Variants in KCNA10 observed in about 807,000 individuals in gnomAD.
KCNA10 encodes the protein potassium voltage-gated channel subfamily A member 10, also known as cyclic GMP gated potassium channel.
In KCNA10, 16 loss-of-function variants were observed where a neutral mutation model predicts 21.4. The observed-to-expected ratio is 0.75, with a 90% CI of 0.51 to 1.14. The LOEUF is 1.14. KCNA10 is among the 50% of genes most tolerant of loss of function. The pLI is 0.00. For synonymous variants in KCNA10, 276 were observed against 245.9 expected, an observed-to-expected ratio of 1.12 and a Z score of -1.15; for missense variants, 677 against 649.1, an observed-to-expected ratio of 1.04 and a Z score of -0.47.
chr1:110,518,163 G>C lies in KCNA10; in HGVS notation c.625C>G (p.Pro209Ala), dbSNP rs1298246953. 3.7e-6 allele frequency: 6 copies of C among 1,613,270 alleles called. No homozygotes were observed. In the African/African-American group the frequency reaches 4.0e-5, roughly 11 times the overall value. The change falls in exon 1 of 1, where the codon CCT (proline) becomes GCT (alanine). Residue 209 changes from proline to alanine, a missense_variant. Physicochemically the swap from Pro to Ala is conservative, Grantham distance 27. Coordinates refer to ENST00000369771, the MANE Select transcript of KCNA10 (RefSeq NM_005549.2). ...HRQFWLLFEY[P>A]ESSSAARAVA... is the part of the protein sequence containing the mutation. ...GCACGGGCAGCGCTGGAACTTTCAG[G>C]GTACTCAAAGAGGAGCCAGAACTGA...
At position 110,518,946 on chromosome 1, in the gene KCNA10, T is replaced by C; in HGVS notation, c.-159A>G. The C allele has an allele frequency of 3.9e-6, 2 of 519,428 alleles. No individual in the cohort carries two copies. Among genetic ancestry groups the C allele is most frequent in the South Asian group, 6.1e-5 (1 of 16,284 alleles). 32.2% of individuals were successfully genotyped at this position (519,428 alleles called of 1,614,324 possible). Reference sequence around the variant, plus strand: ...ACCAATGGGCTAATCAATGACTTATTTGTAGCTTGGGAAGGAACGTCATGG... The same window carrying C: ...ACCAATGGGCTAATCAATGACTTATCTGTAGCTTGGGAAGGAACGTCATGG... On this transcript the variant is annotated 5_prime_UTR_variant, in exon 1 of 1. Transcript: ENST00000369771.
chr1:110,518,334 G>T lies in KCNA10; in HGVS notation c.454C>A (p.Arg152=). 6.2e-7 allele frequency: 1 copy of T among 1,614,214 alleles called. No homozygotes were observed. The highest frequency in any genetic ancestry group is 8.5e-7 in the Non-Finnish European group (1 of 1,180,032). Residue 152 remains arginine, a synonymous_variant, in exon 1 of 1, where the codon CGG becomes AGG. Coordinates refer to ENST00000369771, the MANE Select transcript of KCNA10 (RefSeq NM_005549.2). ...TCAATGGGAACATTGGCTGGGCGCC[G>T]AATTTTCCCACCAGATTGGTAATAA... ...LYYYQSGGKI[R]RPANVPIDIF... is the part of the protein sequence containing the mutation.
rs1162008205 is a variant in KCNA10, at chr1:110,517,226, G to A, written c.*26C>T. The A allele has an allele frequency of 5.3e-6, 8 of 1,519,056 alleles. No homozygotes were observed. Among genetic ancestry groups the A allele is most frequent in the Non-Finnish European group, 7.3e-6 (8 of 1,100,448 alleles). The allele number at this position is 1,519,056 out of a possible 1,614,324, so 94.1% of individuals were successfully genotyped here. A position where few individuals can be genotyped will look rare whatever the true frequency, so the allele number is the denominator to read the frequency against. On this transcript the variant is annotated 3_prime_UTR_variant, in exon 1 of 1. Coordinates refer to ENST00000369771, the MANE Select transcript of KCNA10 (RefSeq NM_005549.2). ...GAGAGAGAAGAGAGAAGAGAGACAGGATGGACCCAAGAAGCCCTGGACTGA... is the reference window on the plus strand; with the variant it reads ...GAGAGAGAAGAGAGAAGAGAGACAGAATGGACCCAAGAAGCCCTGGACTGA...
rs1161594996 is a variant in KCNA10, at chr1:110,518,972, T to C, written c.-185A>G. 2.1e-6 allele frequency: 1 copy of C among 478,170 alleles called. No individual in the cohort carries two copies. The highest frequency in any genetic ancestry group is 3.7e-6 in the Non-Finnish European group (1 of 267,844). The allele number at this position is 478,170 out of a possible 1,614,324, so 29.6% of individuals were successfully genotyped here. ...TGTAGCTTGGGAAGGAACGTCATGG[T>C]TATTTTGGCAGCATGCTTCCCTTAA... On this transcript the variant is annotated 5_prime_UTR_variant, in exon 1 of 1. It removes the in-frame stop codon of an upstream open reading frame in the 5' UTR. Transcript: ENST00000369771.
Position 110,517,474 on chromosome 1 carries a change from GCCCA to G in KCNA10, c.1310_1313del (p.Val437AlafsTer50). ...GGACCCCTGCAATGGCACACAGAGTGCCCACAATCTTCCCCCCTGGGGTGGTCGG... is the reference window on the plus strand; with the variant it reads ...GGACCCCTGCAATGGCACACAGAGTGCAATCTTCCCCCCTGGGGTGGTCGG... On this transcript the variant is annotated frameshift_variant, in exon 1 of 1. Coordinates refer to ENST00000369771, the MANE Select transcript of KCNA10 (RefSeq NM_005549.2). LOFTEE classifies it high-confidence loss of function. 6.2e-7 allele frequency: 1 copy of G among 1,614,176 alleles called. No homozygotes were observed. Among genetic ancestry groups the G allele is most frequent in the Non-Finnish European group, 8.5e-7 (1 of 1,180,022 alleles).
chr1:110,517,956 A>T lies in KCNA10; in HGVS notation c.832T>A (p.Cys278Ser). The T allele has an allele frequency of 6.2e-7, 1 of 1,613,830 alleles. No homozygotes were observed. The highest frequency in any genetic ancestry group is 8.5e-7 in the Non-Finnish European group (1 of 1,179,996). The change falls in exon 1 of 1, where the codon TGC becomes AGC. Residue 278 changes from cysteine to serine, a missense_variant. Physicochemically the swap from Cys to Ser is moderately radical, Grantham distance 112. Transcript: ENST00000369771. Reference sequence around the variant, plus strand: ...AGCTCGAAGGTGAACCACACGATGCAGGTAGACTCCACCATGAAGAAAGGG... The same window carrying T: ...AGCTCGAAGGTGAACCACACGATGCTGGTAGACTCCACCATGAAGAAAGGG... ...TDPFFMVEST[C>S]IVWFTFELVL...
chr1:110,518,513 A>C lies in KCNA10; in HGVS notation c.275T>G (p.Ile92Ser). The C allele has an allele frequency of 1.2e-6, 2 of 1,614,206 alleles. No individual in the cohort carries two copies. Among genetic ancestry groups the C allele is most frequent in the Non-Finnish European group, 1.7e-6 (2 of 1,180,042 alleles). ...NEGNQRVIINIAGLRFETQLR... is the reference protein window; with the variant it reads ...NEGNQRVIINSAGLRFETQLR... Reference sequence around the variant, plus strand: ...CTGGGTCTCAAATCTCAGCCCAGCAATGTTGATGATCACCCGCTGGTTTCC... The same window carrying C: ...CTGGGTCTCAAATCTCAGCCCAGCACTGTTGATGATCACCCGCTGGTTTCC... Residue 92 changes from isoleucine to serine, a missense_variant, in exon 1 of 1, where the codon ATT becomes AGT. By Grantham distance (142) the Ile-to-Ser change is moderately radical (BLOSUM62 -2). Transcript: ENST00000369771.
rs984731090 is a variant in KCNA10, at chr1:110,518,894, T to A, written c.-107A>T. On this transcript the variant is annotated 5_prime_UTR_variant, in exon 1 of 1. Transcript: ENST00000369771. The stretch of plus-strand genomic sequence containing the variant: ...TACAAGATCCAGGGCAGAATACAAC[T>A]GGCCCTTGTTTATTGAGGTAAGGTA... 1.4e-5 allele frequency: 14 copies of A among 971,632 alleles called. No individual in the cohort carries two copies. Among genetic ancestry groups the A allele is most frequent in the Non-Finnish European group, 1.9e-5 (13 of 666,708 alleles). The allele number at this position is 971,632 out of a possible 1,614,324, so 60.2% of individuals were successfully genotyped here. A position where few individuals can be genotyped will look rare whatever the true frequency, so the allele number is the denominator to read the frequency against.
Position 110,518,282 on chromosome 1 carries a change from T to A in KCNA10, c.506A>T (p.Tyr169Phe), listed in dbSNP as rs752373457. 6.2e-7 allele frequency: 1 copy of A among 1,614,158 alleles called. No individual in the cohort carries two copies. The highest frequency in any genetic ancestry group is 2.2e-5 in the East Asian group (1 of 44,882). ...IDIFADEISF[Y>F]ELGSEAMDQF... ...GTCCATGGCCTCACTACCCAGCTCA[T>A]AGAAGGAGATTTCATCAGCAAAGAT... is the stretch of plus-strand genomic sequence containing the variant. The change falls in exon 1 of 1, where the codon TAT (tyrosine) becomes TTT (phenylalanine). Residue 169 changes from tyrosine to phenylalanine, a missense_variant. By Grantham distance (22) the Tyr-to-Phe change is conservative. Coordinates refer to ENST00000369771, the MANE Select transcript of KCNA10 (RefSeq NM_005549.2).
In KCNA10 at chr1:110,517,349, AT is replaced by A. The variant is rs754825696; in HGVS notation, c.1438del (p.Ile480LeufsTer8). 1 of 1,614,124 alleles carries A rather than the reference AT, an allele frequency of 6.2e-7. No individual in the cohort carries two copies. The highest frequency in any genetic ancestry group is 1.1e-5 in the South Asian group (1 of 91,074). ...GCCTACACTGTTGAGGATTCTTTCA[AT>A]TTCTCCTGGGATGTTCTGCTTTTCT... The part of the protein sequence containing the change: ...NEEKQNIPGE[I>X]ERILNSVGSR... On this transcript the variant is annotated frameshift_variant, in exon 1 of 1. Coordinates refer to ENST00000369771, the MANE Select transcript of KCNA10 (RefSeq NM_005549.2). LOFTEE classifies it high-confidence loss of function.
In KCNA10 at chr1:110,517,477, C is replaced by T; in HGVS notation, c.1311G>A (p.Val437=). ...MCPTTPGGKI[V]GTLCAIAGVL... is the part of the protein sequence containing the mutation. ...CCCCTGCAATGGCACACAGAGTGCC[C>T]ACAATCTTCCCCCCTGGGGTGGTCG... The change falls in exon 1 of 1, where the codon GTG becomes GTA. Residue 437 remains valine, a synonymous_variant. Coordinates refer to ENST00000369771, the MANE Select transcript of KCNA10 (RefSeq NM_005549.2). 6.2e-7 allele frequency: 1 copy of T among 1,614,136 alleles called. No individual in the cohort carries two copies. The highest frequency in any genetic ancestry group is 1.1e-5 in the South Asian group (1 of 91,068).
chr1:110,518,644 G>A lies in KCNA10; in HGVS notation c.144C>T (p.Asn48=), dbSNP rs751590976. The change falls in exon 1 of 1, where the codon AAC becomes AAT. Residue 48 remains asparagine, a synonymous_variant. Transcript: ENST00000369771. ...KGRPGGSSFS[N]GKILISESTN... ...TGCTTTCGCTGATGAGGATCTTCCC[G>A]TTGGAGAAGGAGCTGCCCCCAGGCC... 21 of 1,614,084 alleles carry A rather than the reference G, an allele frequency of 1.3e-5. No individual in the cohort carries two copies. The highest frequency in any genetic ancestry group is 2.7e-5 in the African/African-American group (2 of 74,934).
chr1:110,518,042 A>T lies in KCNA10; in HGVS notation c.746T>A (p.Val249Glu), dbSNP rs748482726. 5.2e-5 allele frequency: 84 copies of T among 1,613,582 alleles called. No individual in the cohort carries two copies. Among genetic ancestry groups the T allele is most frequent in the Non-Finnish European group, 6.9e-5 (82 of 1,179,946 alleles). Residue 249 changes from valine to glutamate, a missense_variant, in exon 1 of 1, where the codon GTG becomes GAG. Physicochemically the swap from Val to Glu is moderately radical, Grantham distance 121 (BLOSUM62 -2). Transcript: ENST00000369771. ...PEFREDRELK[V>E]VRDPNLNMSK... ...CATGTTGAGATTGGGGTCTCTGACCACCTTTAGCTCCCTATCCTCCCGGAA... is the reference window on the plus strand; with the variant it reads ...CATGTTGAGATTGGGGTCTCTGACCTCCTTTAGCTCCCTATCCTCCCGGAA...
In KCNA10 at chr1:110,517,381, C is replaced by T; in HGVS notation, c.1407G>A (p.Glu469=). ...NFNYFYHRET[E]NEEKQNIPGE... ...CTGGGATGTTCTGCTTTTCTTCATTCTCAGTCTCCCGGTGGTAGAAGTAAT... is the reference window on the plus strand; with the variant it reads ...CTGGGATGTTCTGCTTTTCTTCATTTTCAGTCTCCCGGTGGTAGAAGTAAT... Residue 469 remains glutamate, a synonymous_variant, in exon 1 of 1, where the codon GAG becomes GAA. Transcript: ENST00000369771. The T allele has an allele frequency of 1.2e-6, 2 of 1,614,204 alleles. No homozygotes were observed. The highest frequency in any genetic ancestry group is 1.7e-6 in the Non-Finnish European group (2 of 1,180,034).
At position 110,517,361 on chromosome 1, in the gene KCNA10, A is replaced by G. The variant is rs767389171; in HGVS notation, c.1427T>C (p.Ile476Thr). The G allele has an allele frequency of 1.2e-6, 2 of 1,614,108 alleles. No homozygotes were observed. The highest frequency in any genetic ancestry group is 1.7e-6 in the Non-Finnish European group (2 of 1,180,000). ...GAGGATTCTTTCAATTTCTCCTGGG[A>G]TGTTCTGCTTTTCTTCATTCTCAGT... ...RETENEEKQN[I>T]PGEIERILNS... is the part of the protein sequence containing the mutation. The change falls in exon 1 of 1, where the codon ATC becomes ACC. Residue 476 changes from isoleucine to threonine, a missense_variant. Coordinates refer to ENST00000369771, the MANE Select transcript of KCNA10 (RefSeq NM_005549.2).
chr1:110,517,695 C>T lies in KCNA10; in HGVS notation c.1093G>A (p.Gly365Arg), dbSNP rs190117605. Residue 365 changes from glycine (G) to arginine (R), a missense_variant, in exon 1 of 1, where the codon GGG (glycine) becomes AGG (arginine). By Grantham distance (125) the Gly-to-Arg change is moderately radical (BLOSUM62 -2). Transcript: ENST00000369771. ...CGCATGGACGCCTTCAGTGTTTGCC[C>T]GAGGATCTGCAGCCCCTTGGAGTGG... The part of the protein sequence containing the change: ...SRHSKGLQIL[G>R]QTLKASMREL... 49 of 1,614,102 alleles carry T rather than the reference C, an allele frequency of 3.0e-5. No homozygotes were observed. The highest frequency in any genetic ancestry group is 4.0e-5 in the African/African-American group (3 of 75,016).
chr1:110,518,274 C>T lies in KCNA10; in HGVS notation c.514G>A (p.Gly172Ser), dbSNP rs1241029597. The part of the protein sequence containing the change: ...FADEISFYEL[G>S]SEAMDQFRED... ...CGGAACTGGTCCATGGCCTCACTAC[C>T]CAGCTCATAGAAGGAGATTTCATCA... The change falls in exon 1 of 1, where the codon GGT becomes AGT. Residue 172 changes from glycine (G) to serine (S), a missense_variant. By Grantham distance (56) the Gly-to-Ser change is moderately conservative. Coordinates refer to ENST00000369771, the MANE Select transcript of KCNA10 (RefSeq NM_005549.2). 1.2e-6 allele frequency: 2 copies of T among 1,614,044 alleles called. No homozygotes were observed. Among genetic ancestry groups the T allele is most frequent in the Admixed American group, 3.3e-5 (2 of 60,004 alleles).
Position 110,519,072 on chromosome 1 carries a change from G to C in KCNA10, c.-285C>G, listed in dbSNP as rs1369586460. On this transcript the variant is annotated 5_prime_UTR_variant, in exon 1 of 1. Coordinates refer to ENST00000369771, the MANE Select transcript of KCNA10 (RefSeq NM_005549.2). ...GCAAAAAAAGGATCCTGGCAAAGAA[G>C]GGGAGATTCTCCCCAGCAAAGGATG... 3.3e-6 allele frequency: 1 copy of C among 300,556 alleles called. No homozygotes were observed. Among genetic ancestry groups the C allele is most frequent in the African/African-American group, 2.2e-5 (1 of 46,234 alleles). 18.6% of individuals were successfully genotyped at this position (300,556 alleles called of 1,614,324 possible). A position where few individuals can be genotyped will look rare whatever the true frequency, so the allele number is the denominator to read the frequency against.
rs756672651 is a variant in KCNA10, at chr1:110,518,373, C to G, written c.415G>C (p.Asp139His). 2 of 1,614,202 alleles carry G rather than the reference C, an allele frequency of 1.2e-6. No homozygotes were observed. Among genetic ancestry groups the G allele is most frequent in the Non-Finnish European group, 1.7e-6 (2 of 1,180,046 alleles). ...YFFDRNRPSF[D>H]GILYYYQSGG... ...GATTGGTAATAATATAGGATTCCAT[C>G]AAAACTGGGCCGGTTCCGATCAAAG... is the stretch of plus-strand genomic sequence containing the variant. Residue 139 changes from aspartate to histidine, a missense_variant, in exon 1 of 1, where the codon GAT becomes CAT. Asp to His is a moderately conservative substitution (Grantham distance 81). Coordinates refer to ENST00000369771, the MANE Select transcript of KCNA10 (RefSeq NM_005549.2).
Sources: allele counts gnomAD v4.1 joint callset, GRCh38; gene constraint gnomAD v4.1.1; transcripts MANE v1.5; gene names NCBI Gene and HGNC (gene_info 2026-07-23, HGNC 2026-07-21).